GALNT14: variants seen among roughly 807,000 people sequenced by gnomAD.
GALNT14 encodes UDP-GalNAc:polypeptide N-acetylgalactosaminyltransferase 14.
GALNT14 carries 60 observed loss-of-function variants against 77.5 expected under a neutral mutation model. The ratio of observed to expected loss-of-function variants is 0.77; its 90% CI spans 0.63 to 0.96. The LOEUF (loss-of-function observed/expected upper bound fraction) is 0.96. Ranked by LOEUF, GALNT14 falls within the 40% of genes least tolerant of loss-of-function variation. The pLI, the probability that GALNT14 is intolerant of heterozygous loss-of-function variation, is 0.00. For synonymous variants in GALNT14, 280 were observed against 281.7 expected (o/e 0.99, Z 0.06); for missense variants, 710 against 731.0 (o/e 0.97, Z 0.33).
At chr2:31,109,048 G>A (rs982643247) in intron 1 of GALNT14, among the ~76,000 whole-genome samples, 13 of 152,148 alleles carry the variant, frequency 8.5e-5, no homozygotes, top group Admixed American at 5.2e-4. Context: ...GAGGATTCTG[G>A]TTAACCTCTT....
chr2:31,003,121 TG>T (rs1175916837), intron 1 of GALNT14, among the ~76,000 whole-genome samples: 1 of 152,208 alleles, frequency 6.6e-6, no homozygotes, highest in Non-Finnish European at 1.5e-5. Flanking sequence ...TTATCTTCTG[TG>T]GGGGTTTCTC....
intron 1 of GALNT14, chr2:31,078,807 C>T (rs1254060288): frequency 5.6e-6 from 4 of 717,822 alleles, no homozygotes; most frequent in Non-Finnish European, 8.1e-6. Context: ...CACAGGCACA[C>T]AAGATGAAGG....
chr2:31,121,225 G>A (rs1306922322), intron 1 of GALNT14, among the ~76,000 whole-genome samples: 1 of 152,206 alleles, frequency 6.6e-6, no homozygotes, highest in African/African-American at 2.4e-5. Flanking sequence ...ATCTAGACAG[G>A]CAAGATGACT....
chr2:30,929,427 G>A lies in GALNT14; in HGVS notation c.1119C>T (p.Ala373=), dbSNP rs768874660. ...MDEYKQYYYA[A]RPFALERPFG... Reference sequence around the variant, plus strand: ...AGGGCCTCTCCAGGGCGAATGGCCGGGCAGCGTAATAGTATTGCTTGTATT... The same window carrying A: ...AGGGCCTCTCCAGGGCGAATGGCCGAGCAGCGTAATAGTATTGCTTGTATT... Residue 373 remains alanine, a synonymous_variant, in exon 11 of 15, where the codon GCC becomes GCT. Transcript: ENST00000349752. The A allele has an allele frequency of 4.3e-6, 7 of 1,614,152 alleles. No homozygotes were observed. Among genetic ancestry groups the A allele is most frequent in the Non-Finnish European group, 5.9e-6 (7 of 1,179,992 alleles).
At chr2:30,961,265 T>C (rs1667674403) in intron 3 of GALNT14, among the ~76,000 whole-genome samples, 1 of 152,224 alleles carries the variant, frequency 6.6e-6, no homozygotes, top group East Asian at 1.9e-4. Flanking sequence ...TATTTGAAAT[T>C]GCTTTGTGAA....
At chr2:31,082,195 G>C (rs1676188657) in intron 1 of GALNT14, among the ~76,000 whole-genome samples, 1 of 152,248 alleles carries the variant, frequency 6.6e-6, no homozygotes, top group Non-Finnish European at 1.5e-5. Context: ...ACTGCAGACA[G>C]TCCTAGCAAC....
At chr2:31,107,258 G>A (rs561150937) in intron 1 of GALNT14, among the ~76,000 whole-genome samples, 5 of 152,166 alleles carry the variant, frequency 3.3e-5, no homozygotes, top group South Asian at 2.1e-4. Context: ...CCTTATTTGC[G>A]TTGATTACAA....
At chr2:30,950,811 C>T (rs150412493) in intron 6 of GALNT14, among the ~76,000 whole-genome samples, 8 of 152,274 alleles carry the variant, frequency 5.3e-5, no homozygotes, top group African/African-American at 1.4e-4. Flanking sequence ...TGCTCACATT[C>T]GGAAACGAAG....
At chr2:31,085,746 G>A (rs1163373651) in intron 1 of GALNT14, among the ~76,000 whole-genome samples, 1 of 152,168 alleles carries the variant, frequency 6.6e-6, no homozygotes. Context: ...TTTTCCACAT[G>A]TGACACGTGC....
intron 1 of GALNT14, 107 bp downstream of exon 1, chr2:31,137,851 A>C: frequency 3.5e-6 from 5 of 1,424,310 alleles, no homozygotes; most frequent in Non-Finnish European, 4.7e-6. Flanking sequence ...TGCTCGCAGC[A>C]CCCAGACCCT....
At chr2:31,087,631 G>C (rs1676512831) in intron 1 of GALNT14, among the ~76,000 whole-genome samples, 1 of 148,836 alleles carries the variant, frequency 6.7e-6, no homozygotes, top group South Asian at 2.1e-4. Flanking sequence ...GGAAAACCAG[G>C]ACCTGGTGAA....
At chr2:30,905,784 G>A (rs1258462255), downstream of GALNT14, among the ~76,000 whole-genome samples, 2 of 149,026 alleles carry the variant, frequency 1.3e-5, no homozygotes, top group Non-Finnish European at 3.0e-5. Flanking sequence ...TTGAAATGAA[G>A]GAAAAAATGT....
At chr2:31,111,181 C>T (rs984436781) in intron 1 of GALNT14, among the ~76,000 whole-genome samples, 4 of 152,184 alleles carry the variant, frequency 2.6e-5, no homozygotes, top group Admixed American at 1.3e-4. Flanking sequence ...GGGGCTGCTA[C>T]CTGTTGAGCT....
chr2:31,118,999 A>C (rs560419553), intron 1 of GALNT14, among the ~76,000 whole-genome samples: 70 of 152,276 alleles, frequency 4.6e-4, no homozygotes, highest in African/African-American at 1.6e-3. Flanking sequence ...AATGATGTTG[A>C]CACAAATGAC....
intron 10 of GALNT14, among the ~76,000 whole-genome samples, chr2:30,929,694 C>T (rs1665611521): frequency 6.6e-6 from 1 of 152,224 alleles, no homozygotes; most frequent in African/African-American, 2.4e-5. Flanking sequence ...TACCCCAAGA[C>T]ACAAGATTTT....
At chr2:30,997,421 C>T (rs1220686089) in intron 1 of GALNT14, among the ~76,000 whole-genome samples, 5 of 152,246 alleles carry the variant, frequency 3.3e-5, no homozygotes, top group Middle Eastern at 3.4e-3. Context: ...TACAAATATC[C>T]GGGAAAGCTT....
intron 13 of GALNT14, among the ~76,000 whole-genome samples, chr2:30,916,481 C>A (rs1383442807): frequency 6.6e-6 from 1 of 152,210 alleles, no homozygotes; most frequent in Non-Finnish European, 1.5e-5. Flanking sequence ...GTGTGGGTGA[C>A]CCTGCCCCCT....
rs1399134118 is a variant in GALNT14, at chr2:30,920,969, A to AG, written c.1380+3149dup. On this transcript the variant is annotated intron_variant, in intron 13 of 14. Coordinates refer to ENST00000349752, the MANE Select transcript of GALNT14 (RefSeq NM_024572.4). ...AGTTGTTCTCTCCAAGGCAGAGAGG[A>AG]GGGGCATCTCAGTACCATCTTCCAG... Among the ~76,000 whole-genome samples the AG allele has an allele frequency of 2.6e-5, 4 of 152,180 alleles. No individual in the cohort carries two copies. The East Asian group carries it at 7.7e-4, about 29-fold the overall frequency.
At chr2:30,981,903 G>A (rs892418082) in intron 2 of GALNT14, among the ~76,000 whole-genome samples, 1 of 152,150 alleles carries the variant, frequency 6.6e-6, no homozygotes, top group African/African-American at 2.4e-5. Flanking sequence ...ATGCACTTTC[G>A]CAGGCTCAGG....
Sources: gnomAD v4.1 joint callset for allele counts (sites outside exome capture counted in the v4.1 genomes callset) on GRCh38, gnomAD v4.1.1 for gene constraint, MANE v1.5 for transcripts, NCBI Gene and HGNC (gene_info 2026-07-23, HGNC 2026-07-21) for gene names.